The following MMRN1 variants were observed in gnomAD, a reference collection of about 807,000 sequenced individuals.
MMRN1 encodes the protein multimerin-1.
MMRN1 carries 94 observed loss-of-function variants against 100.7 expected under a neutral mutation model. That is an observed-to-expected ratio of 0.93 (90% CI 0.79 to 1.11). The LOEUF (loss-of-function observed/expected upper bound fraction) is 1.11, where lower values mean the gene tolerates loss of function less well. Ranked by LOEUF, MMRN1 falls within the 50% of genes least tolerant of loss-of-function variation. The pLI is 0.00. For synonymous variants in MMRN1, 575 were observed against 505.0 expected, an observed-to-expected ratio of 1.14 and a Z score of -1.86; for missense variants, 1,606 against 1,439.1, an observed-to-expected ratio of 1.12 and a Z score of -1.88.
intron 6 of MMRN1, among the ~76,000 whole-genome samples, chr4:89,949,796 C>T (rs139924155): frequency 1.5e-3 from 229 of 152,052 alleles, no homozygotes; most frequent in African/African-American, 5.3e-3. Context: ...ACAGGCATGC[C>T]GTTTGTTCAC....
At chr4:89,937,984 C>T (rs554373017) in intron 6 of MMRN1, among the ~76,000 whole-genome samples, 1 of 152,162 alleles carries the variant, frequency 6.6e-6, no homozygotes, top group South Asian at 2.1e-4. Flanking sequence ...AATATCTCTT[C>T]ATTCTTACAA....
Position 89,936,780 on chromosome 4 carries a change from G to A in MMRN1, c.3100G>A (p.Asp1034Asn). The change falls in exon 6 of 8, where the codon GAC becomes AAC. Residue 1034 changes from aspartate (D) to asparagine (N), a missense_variant. By Grantham distance (23) the Asp-to-Asn change is conservative (BLOSUM62 1). Coordinates refer to ENST00000264790, the MANE Select transcript of MMRN1 (RefSeq NM_007351.3). ...VLIGRTQRNT[D>N]NIIYPEEYSS... The stretch of plus-strand genomic sequence containing the variant: ...GATAGGCCGGACTCAAAGAAACACG[G>A]ACAACATAATATATCCTGGTAAGCT... 1.3e-6 allele frequency: 2 copies of A among 1,596,924 alleles called. No homozygotes were observed. The highest frequency in any genetic ancestry group is 1.7e-6 in the Non-Finnish European group (2 of 1,174,514).
chr4:89,927,954 A>G lies in MMRN1; in HGVS notation c.1115A>G (p.Gln372Arg). 8.8e-6 allele frequency: 14 copies of G among 1,594,112 alleles called. No individual in the cohort carries two copies. Among genetic ancestry groups the G allele is most frequent in the Non-Finnish European group, 1.2e-5 (14 of 1,171,296 alleles). Residue 372 changes from glutamine (Q) to arginine (R), a missense_variant, in exon 5 of 8, where the codon CAA becomes CGA. Gln to Arg is a conservative substitution (Grantham distance 43, BLOSUM62 1). Transcript: ENST00000264790. ...KVSEDKSREF[Q>R]SLLKGLKSKS... ...AGCGAAGATAAAAGCAGAGAATTTC[A>G]ATCTCTTCTAAAAGGTAAAAATGAA...
chr4:89,905,051 T>A (rs541821968), intron 1 of MMRN1, among the ~76,000 whole-genome samples: 1 of 151,506 alleles, frequency 6.6e-6, no homozygotes, highest in Non-Finnish European at 1.5e-5. Context: ...ACTTATAGAG[T>A]TGAGAATGAG....
At chr4:89,893,093 T>G (rs1012515628), upstream of MMRN1, among the ~76,000 whole-genome samples, 1 of 152,078 alleles carries the variant, frequency 6.6e-6, no homozygotes, top group South Asian at 2.1e-4. Context: ...TTCTTTCTAC[T>G]GAAAACCATG....
Position 89,936,021 on chromosome 4 carries a change from C to T in MMRN1, c.2341C>T (p.Arg781Cys), listed in dbSNP as rs1470372518. The change falls in exon 6 of 8, where the codon CGT (arginine) becomes TGT (cysteine). Residue 781 changes from arginine to cysteine, a missense_variant. By Grantham distance (180) the Arg-to-Cys change is radical. Coordinates refer to ENST00000264790, the MANE Select transcript of MMRN1 (RefSeq NM_007351.3). ...TTTGACATTTATTCCTCAGTTCCAC[C>T]GTCTGAATGATTCTATTCAGACTTT... ...TILTFIPQFH[R>C]LNDSIQTLVN... is the part of the protein sequence containing the mutation. The T allele has an allele frequency of 6.2e-6, 10 of 1,612,930 alleles. No homozygotes were observed. The highest frequency in any genetic ancestry group is 4.0e-5 in the African/African-American group (3 of 74,964).
intron 6 of MMRN1, among the ~76,000 whole-genome samples, chr4:89,939,242 C>A (rs531598706): frequency 3.7e-4 from 56 of 152,184 alleles, no homozygotes; most frequent in African/African-American, 1.3e-3. Flanking sequence ...ACATTGCTCT[C>A]CCACATAACT....
At chr4:89,884,337 A>G (rs1720886810) in intron 1 of MMRN1, among the ~76,000 whole-genome samples, 1 of 152,080 alleles carries the variant, frequency 6.6e-6, no homozygotes, top group Non-Finnish European at 1.5e-5. Flanking sequence ...TGAACTTGGC[A>G]TATTTACTTA....
Position 89,930,947 on chromosome 4 carries a change from T to C in MMRN1, c.1129+2979T>C, listed in dbSNP as rs372910730. Among the ~76,000 whole-genome samples the C allele has an allele frequency of 4.6e-5, 7 of 152,276 alleles. No individual in the cohort carries two copies. The East Asian group carries it at 1.2e-3, about 25-fold the overall frequency. ...TACAAAAGCTAGGACTATTTCTGTA[T>C]AATTTATCTTAATTGTGGCTAGTTA... is the stretch of plus-strand genomic sequence containing the variant. On this transcript the variant is annotated intron_variant, in intron 5 of 7. Transcript: ENST00000264790.
intron 3 of MMRN1, among the ~76,000 whole-genome samples, chr4:89,914,326 G>C (rs1015438707): frequency 6.6e-6 from 1 of 151,012 alleles, no homozygotes; most frequent in African/African-American, 2.4e-5. Flanking sequence ...GATCCATCTC[G>C]AAACTGTTAG....
rs1468129811 is a variant in MMRN1 at position 89,953,631 on chromosome 4, T to G, written c.*213T>G. ...AAAGAGTTCTTGATCCTAAAGAAAT[T>G]TAGTGGCACAGAAAACAAAGTGAAT... is the stretch of plus-strand genomic sequence containing the variant. On this transcript the variant is annotated 3_prime_UTR_variant, in exon 8 of 8. Transcript: ENST00000264790. 85 of 399,682 alleles carry G rather than the reference T, an allele frequency of 2.1e-4. No homozygotes were observed. Among genetic ancestry groups the G allele is most frequent in the Non-Finnish European group, 2.2e-5 (5 of 229,084 alleles). 24.8% of individuals were successfully genotyped at this position (399,682 alleles called of 1,614,324 possible).
chr4:89,918,621 A>T (rs533743737), intron 3 of MMRN1, among the ~76,000 whole-genome samples: 1 of 152,024 alleles, frequency 6.6e-6, no homozygotes, highest in East Asian at 1.9e-4. Flanking sequence ...AAATTCATCT[A>T]GAAAAGATTT....
chr4:89,905,307 AG>A (rs1721529899), intron 1 of MMRN1, among the ~76,000 whole-genome samples: 1 of 151,488 alleles, frequency 6.6e-6, no homozygotes, highest in Non-Finnish European at 1.5e-5. Flanking sequence ...CTTATAATTA[AG>A]ATGATAGTAT....
chr4:89,939,784 G>A (rs374718153), intron 6 of MMRN1, among the ~76,000 whole-genome samples: 1 of 152,174 alleles, frequency 6.6e-6, no homozygotes, highest in Admixed American at 6.6e-5. Flanking sequence ...TATGGCTGGA[G>A]CCGATATTTT....
At chr4:89,890,253 C>T (rs62315189), upstream of MMRN1, among the ~76,000 whole-genome samples, 4 of 148,454 alleles carry the variant, frequency 2.7e-5, no homozygotes, top group African/African-American at 1.0e-4. Context: ...TTTTTTTCCC[C>T]TGTGCTCTAT....
intron 1 of MMRN1, among the ~76,000 whole-genome samples, chr4:89,906,699 C>A (rs981870107): frequency 1.3e-5 from 2 of 151,502 alleles, no homozygotes; most frequent in Non-Finnish European, 3.0e-5. Context: ...ATTATATTTA[C>A]ATTTTTAATA....
intron 5 of MMRN1, among the ~76,000 whole-genome samples, chr4:89,930,038 C>A (rs188803867): frequency 6.6e-6 from 1 of 152,114 alleles, no homozygotes; most frequent in African/African-American, 2.4e-5. Flanking sequence ...TCAAATATAT[C>A]TGGTAAGTCA....
At chr4:89,907,756 G>A (rs555386186) in intron 1 of MMRN1, among the ~76,000 whole-genome samples, 1 of 148,760 alleles carries the variant, frequency 6.7e-6, no homozygotes, top group Non-Finnish European at 1.5e-5. Context: ...TATACTTCTC[G>A]TTCTATTTAA....
chr4:89,932,937 G>GT (rs988310687), intron 5 of MMRN1, among the ~76,000 whole-genome samples: 9 of 151,916 alleles, frequency 5.9e-5, no homozygotes, highest in East Asian at 5.8e-4. Flanking sequence ...AGAAAATGAG[G>GT]TTTTTTTTCT....
Sources: gnomAD v4.1 joint callset for allele counts (sites outside exome capture counted in the v4.1 genomes callset) on GRCh38, gnomAD v4.1.1 for gene constraint, MANE v1.5 for transcripts, NCBI Gene and HGNC (gene_info 2026-07-23, HGNC 2026-07-21) for gene names.